The following SERPINB12 variants were observed in gnomAD, a reference collection of about 807,000 sequenced individuals.
SERPINB12 encodes serpin family B member 12.
A neutral mutation model predicts 41.1 loss-of-function variants in SERPINB12; 57 were observed. The ratio of observed to expected loss-of-function variants is 1.39; its 90% CI spans 1.12 to 1.73. The LOEUF (loss-of-function observed/expected upper bound fraction) is 1.73. SERPINB12 is among the 40% of genes most tolerant of loss of function. SERPINB12 has a pLI of 0.00. For missense variants in SERPINB12, 536 were observed against 501.9 expected, an observed-to-expected ratio of 1.07 and a Z score of -0.65; for synonymous variants, 180 against 181.3, an observed-to-expected ratio of 0.99 and a Z score of 0.06.
intron 5 of SERPINB12, among the ~76,000 whole-genome samples, 169 bp downstream of exon 5, chr18:63,561,371 G>A (rs1910905261): frequency 6.6e-6 from 1 of 152,142 alleles, no homozygotes; most frequent in African/African-American, 2.4e-5. Flanking sequence ...CAGTCAGAAT[G>A]ACTATTATTA....
chr18:63,525,528 C>G, the SERPINB12 span, among the ~76,000 whole-genome samples: 1 of 152,070 alleles, frequency 6.6e-6, no homozygotes, highest in Non-Finnish European at 1.5e-5. Flanking sequence ...TTTAAGAAGT[C>G]AAGAACAAAC....
At position 63,564,126 on chromosome 18, in the gene SERPINB12, G is replaced by A. The variant is rs780421291; in HGVS notation, c.705+6G>A. ...CACCTTTCTGTCTAAATGCGGTAGTGTATCAGAACTCATGGTTTTCTAGCT... is the reference window on the plus strand; with the variant it reads ...CACCTTTCTGTCTAAATGCGGTAGTATATCAGAACTCATGGTTTTCTAGCT... On this transcript the variant is annotated splice_donor_region_variant and intron_variant, in intron 6 of 7. Coordinates refer to ENST00000382768, the MANE Select transcript of SERPINB12 (RefSeq NM_001307928.2). 1.2e-6 allele frequency: 2 copies of A among 1,606,832 alleles called. No individual in the cohort carries two copies. Among genetic ancestry groups the A allele is most frequent in the East Asian group, 2.2e-5 (1 of 44,806 alleles).
chr18:63,563,929 G>T, intron 5 of SERPINB12, 49 bp from the exon 6 acceptor site: 2 of 1,479,050 alleles, frequency 1.4e-6, no homozygotes, highest in Non-Finnish European at 1.8e-6. Flanking sequence ...CTACACAAAT[G>T]CTTTTGATAC....
chr18:63,534,272 A>G, the SERPINB12 span, among the ~76,000 whole-genome samples: 3 of 152,176 alleles, frequency 2.0e-5, no homozygotes, highest in Non-Finnish European at 4.4e-5. Flanking sequence ...TCTGTTTTAT[A>G]AGGAGACAAC....
In SERPINB12 at chr18:63,558,426, A is replaced by T. The variant is rs1204950281; in HGVS notation, c.243A>T (p.Lys81Asn). Residue 81 changes from lysine (K) to asparagine (N), a missense_variant, in exon 3 of 8, where the codon AAA becomes AAT. Physicochemically the swap from Lys to Asn is moderately conservative, Grantham distance 94. Coordinates refer to ENST00000382768, the MANE Select transcript of SERPINB12 (RefSeq NM_001307928.2). ...PDPCLKSNKQ[K>N]VLADSSLEGQ... ...CTTGTCTGAAAAGCAACAAACAAAA[A>T]GTGCTGGCTGACAGCTCTCTGGAGG... 1.2e-6 allele frequency: 2 copies of T among 1,612,310 alleles called. No homozygotes were observed. The highest frequency in any genetic ancestry group is 1.7e-6 in the Non-Finnish European group (2 of 1,179,112).
intron 3 of SERPINB12, among the ~76,000 whole-genome samples, chr18:63,559,052 T>TTC (rs757664042): frequency 0.038 from 4,952 of 131,814 alleles, 176 homozygotes; most frequent in Non-Finnish European, 0.054. Flanking sequence ...CTTTCTTTCT[T>TTC]TCTTTCTCTC....
At chr18:63,525,222 G>A in the SERPINB12 span, among the ~76,000 whole-genome samples, 6 of 151,884 alleles carry the variant, frequency 4.0e-5, no homozygotes, top group Non-Finnish European at 8.8e-5. Context: ...CTCTGATTTA[G>A]ACAATAAAGA....
Position 63,564,001 on chromosome 18 carries a change from A to C in SERPINB12, c.586A>C (p.Lys196Gln), listed in dbSNP as rs766141452. 1 of 1,612,822 alleles carries C rather than the reference A, an allele frequency of 6.2e-7. No individual in the cohort carries two copies. Among genetic ancestry groups the C allele is most frequent in the Admixed American group, 1.7e-5 (1 of 59,828 alleles). ...AGGTAAAATCAAGGAACTCTTCAGC[A>C]AGGACGCTATTAATGCTGAGACTGT... ...SQGKIKELFS[K>Q]DAINAETVLV... The change falls in exon 6 of 8, where the codon AAG (lysine) becomes CAG (glutamine). Residue 196 changes from lysine to glutamine, a missense_variant. Physicochemically the swap from Lys to Gln is moderately conservative, Grantham distance 53 (BLOSUM62 1). Coordinates refer to ENST00000382768, the MANE Select transcript of SERPINB12 (RefSeq NM_001307928.2).
chr18:63,536,281 A>T, the SERPINB12 span, among the ~76,000 whole-genome samples: 1 of 152,006 alleles, frequency 6.6e-6, no homozygotes, highest in Admixed American at 6.6e-5. Context: ...TCAAATGACA[A>T]AAATGGAAGA....
chr18:63,527,834 G>C, the SERPINB12 span, among the ~76,000 whole-genome samples: 1 of 152,186 alleles, frequency 6.6e-6, no homozygotes, highest in African/African-American at 2.4e-5. Context: ...TGGTTTGGCT[G>C]TGTCCCCACT....
chr18:63,569,154 A>G lies in SERPINB12; in HGVS notation c.*2143A>G, dbSNP rs2298623. ...GTAAACACATTTTTTTTTCATTTAC[A>G]TCGGGATTTCTCAGATTTTGAAGCA... On this transcript the variant is annotated 3_prime_UTR_variant, in exon 8 of 8. Transcript: ENST00000382768. 0.58 allele frequency among the ~76,000 whole-genome samples: 87,818 copies of G among 151,610 alleles called. 27,576 individuals carry two copies. Among genetic ancestry groups the G allele is most frequent in the Middle Eastern group, 0.72 (213 of 294 alleles).
chr18:63,541,844 A>G (rs547679111), upstream of SERPINB12, among the ~76,000 whole-genome samples: 1 of 152,204 alleles, frequency 6.6e-6, no homozygotes, highest in South Asian at 2.1e-4. Context: ...AGAAAAAATA[A>G]CTGGTGAGGA....
At chr18:63,521,878 G>A in the SERPINB12 span, among the ~76,000 whole-genome samples, 410 of 152,268 alleles carry the variant, frequency 2.7e-3, no homozygotes, top group African/African-American at 8.9e-3. Flanking sequence ...ACCAGTTATC[G>A]TTCTTAGTTG....
the SERPINB12 span, among the ~76,000 whole-genome samples, chr18:63,531,664 C>T: frequency 5.3e-5 from 8 of 152,156 alleles, no homozygotes; most frequent in South Asian, 1.7e-3. Context: ...AAATATTCAA[C>T]AAATATTTGT....
In SERPINB12 at chr18:63,561,687, C is replaced by T. The variant is rs535806164; in HGVS notation, c.562+485C>T. ...GGATAAAGAAAATGTGGTACATATA[C>T]ACCATGGAATACTACACAGCCATCA... On this transcript the variant is annotated intron_variant, in intron 5 of 7. Transcript: ENST00000382768. 2.6e-5 allele frequency among the ~76,000 whole-genome samples: 4 copies of T among 152,290 alleles called. No homozygotes were observed. The South Asian group carries it at 6.2e-4, about 24-fold the overall frequency.
At chr18:63,543,129 C>A (rs867153975) in intron 1 of SERPINB12, among the ~76,000 whole-genome samples, 1 of 152,268 alleles carries the variant, frequency 6.6e-6, no homozygotes, top group Middle Eastern at 3.4e-3. Context: ...ATAGTAATGT[C>A]TCTCTTCCTG....
chr18:63,533,292 A>G, the SERPINB12 span, among the ~76,000 whole-genome samples: 235 of 152,322 alleles, frequency 1.5e-3, no homozygotes, highest in African/African-American at 5.3e-3. Context: ...TTCTTAATGA[A>G]TGAATCGAAC....
At chr18:63,522,854 C>G in the SERPINB12 span, among the ~76,000 whole-genome samples, 6 of 151,720 alleles carry the variant, frequency 4.0e-5, no homozygotes, top group Non-Finnish European at 5.9e-5. Context: ...TGGCATACAA[C>G]AAGATAGCCA....
Position 63,555,056 on chromosome 18 carries a change from C to T in SERPINB12, c.-18-1086C>T, listed in dbSNP as rs139825485. ...GTTTCCTGAGGCTTCCCCAGCCATG[C>T]GGAACTGTGAGTCAATTAAAACTCT... On this transcript the variant is annotated intron_variant, in intron 1 of 7. Transcript: ENST00000382768. Among the ~76,000 whole-genome samples, 1,072 of 152,254 alleles carry T rather than the reference C, an allele frequency of 7.0e-3. 13 individuals carry two copies. The highest frequency in any genetic ancestry group is 0.024 in the African/African-American group (1,013 of 41,542).
Sources: allele counts gnomAD v4.1 joint callset (sites outside exome capture counted in the v4.1 genomes callset), GRCh38; gene constraint gnomAD v4.1.1; transcripts MANE v1.5; gene names NCBI Gene and HGNC (gene_info 2026-07-23, HGNC 2026-07-21).